The following ALG8 variants were observed in gnomAD, a reference collection of about 807,000 sequenced individuals.
ALG8 encodes the protein dolichyl pyrophosphate Glc1Man9GlcNAc2 alpha-1,3-glucosyltransferase.
In ALG8, 48 loss-of-function variants were observed where a neutral mutation model predicts 70.2. The observed-to-expected ratio is 0.68, with a 90% CI of 0.54 to 0.87. ALG8 has a LOEUF of 0.87. Among genes scored for constraint, ALG8 ranks in the 40% least tolerant of loss-of-function variants. The pLI, the probability that ALG8 is intolerant of heterozygous loss-of-function variation, is 0.00. For synonymous variants in ALG8, 234 were observed against 229.0 expected, an observed-to-expected ratio of 1.02 and a Z score of -0.20; for missense variants, 572 against 608.7, an observed-to-expected ratio of 0.94 and a Z score of 0.64.
At chr11:78,109,664 TA>T in intron 8 of ALG8, 83 bp from the exon 9 acceptor site, 1 of 1,349,416 alleles carries the variant, frequency 7.4e-7, no homozygotes, top group South Asian at 1.2e-5. Context: ...CCTTGAGGAA[TA>T]AAAAGTAAGC....
rs772497365 is a variant in ALG8, at chr11:78,121,235, C to A, written c.369-61G>T. On this transcript the variant is annotated intron_variant, in intron 3 of 12. Transcript: ENST00000299626. ...TTTGATCTTCATCGGAACATCACTT[C>A]TGCAGAGTAAACTATGATACATTAG... 19 of 1,153,276 alleles carry A rather than the reference C, an allele frequency of 1.6e-5. No homozygotes were observed. The African/African-American group carries it at 2.0e-4, about 12-fold the overall frequency. 71.4% of individuals were successfully genotyped at this position (1,153,276 alleles called of 1,614,324 possible).
At chr11:78,113,568 C>G (rs1234296691) in intron 7 of ALG8, among the ~76,000 whole-genome samples, 1 of 151,782 alleles carries the variant, frequency 6.6e-6, no homozygotes, top group Admixed American at 6.6e-5. Context: ...CAAAAATTAG[C>G]CAGGCATGGT....
At chr11:78,104,335 T>G (rs201885609) in intron 11 of ALG8, 21 bp downstream of exon 11, 5 of 1,548,982 alleles carry the variant, frequency 3.2e-6, no homozygotes, top group Non-Finnish European at 4.4e-6. Context: ...AAATATATTT[T>G]TCTCAGAAGA....
Position 78,127,368 on chromosome 11 carries a change from C to T in ALG8, c.164G>A (p.Trp55Ter). The T allele has an allele frequency of 1.2e-6, 2 of 1,612,490 alleles. No homozygotes were observed. The highest frequency in any genetic ancestry group is 1.7e-4 in the Middle Eastern group (1 of 6,052). Residue 55 changes from tryptophan to a stop codon, truncating the protein, a stop_gained, in exon 2 of 13, where the codon TGG becomes TAG. Transcript: ENST00000299626. LOFTEE classifies it high-confidence loss of function. ...AAAATTAAAACTTACCTCATAATAC[C>T]ACTGTGATATTGGCAAACTGTGAGT... ...AITHSLPISQWYYEATSEWTL... is the reference protein window; with the variant it reads ...AITHSLPISQ
intron 10 of ALG8, among the ~76,000 whole-genome samples, chr11:78,105,033 T>C (rs1369198636): frequency 6.6e-6 from 1 of 152,038 alleles, no homozygotes; most frequent in Non-Finnish European, 1.5e-5. Context: ...TGTTGTGGGA[T>C]TGGGAGCTGC....
At chr11:78,114,603 G>T in intron 5 of ALG8, 1 of 612,670 alleles carries the variant, frequency 1.6e-6, no homozygotes, top group Non-Finnish European at 2.9e-6. Context: ...GGGATATATA[G>T]GAACTCTCTG....
chr11:78,120,261 C>T (rs1000186011), intron 4 of ALG8, among the ~76,000 whole-genome samples: 3 of 152,164 alleles, frequency 2.0e-5, no homozygotes, highest in East Asian at 3.9e-4. Context: ...TTAAAGGCCC[C>T]GCAGCTCAGG....
At position 78,121,151 on chromosome 11, in the gene ALG8, T is replaced by C; in HGVS notation, c.392A>G (p.Lys131Arg). 2 of 1,613,696 alleles carry C rather than the reference T, an allele frequency of 1.2e-6. No homozygotes were observed. The highest frequency in any genetic ancestry group is 1.7e-6 in the Non-Finnish European group (2 of 1,179,840). Residue 131 changes from lysine (K) to arginine (R), a missense_variant, in exon 4 of 13, where the codon AAA (lysine) becomes AGA (arginine). Coordinates refer to ENST00000299626, the MANE Select transcript of ALG8 (RefSeq NM_024079.5). Reference protein sequence around the residue: ...VRECCKCIDGKKVGKELTEKP... With the variant: ...VRECCKCIDGRKVGKELTEKP... ...TTCTGTAAGTTCTTTACCCACTTTT[T>C]TTCCATCAATGCATTTACAGCACCT...
At chr11:78,111,549 G>A in intron 8 of ALG8, among the ~76,000 whole-genome samples, 1 of 152,214 alleles carries the variant, frequency 6.6e-6, no homozygotes, top group East Asian at 1.9e-4. Context: ...TGTAGCCTGT[G>A]CCCAGTTTTT....
At chr11:78,108,866 T>A (rs928800736) in intron 9 of ALG8, among the ~76,000 whole-genome samples, 1 of 152,216 alleles carries the variant, frequency 6.6e-6, no homozygotes, top group African/African-American at 2.4e-5. Flanking sequence ...TATTGAATTC[T>A]ACTAAAATTA....
chr11:78,135,157 C>G (rs931691649), intron 1 of ALG8: 1 of 152,070 alleles, frequency 6.6e-6, no homozygotes, highest in Non-Finnish European at 1.5e-5. Flanking sequence ...AGTTCAAAAA[C>G]AGCCTGGGCA....
intron 12 of ALG8, among the ~76,000 whole-genome samples, chr11:78,102,688 C>T (rs555529966): frequency 7.9e-5 from 12 of 152,294 alleles, no homozygotes; most frequent in Admixed American, 7.8e-4. Flanking sequence ...CATGGTGGCT[C>T]ACACCTGTAA....
intron 5 of ALG8, chr11:78,114,802 C>CA (rs1197084667): frequency 5.5e-6 from 2 of 363,212 alleles, no homozygotes; most frequent in African/African-American, 2.2e-5. Context: ...CCTGTCTCTA[C>CA]AAAAAAATAA....
chr11:78,116,004 C>T (rs930145462), intron 5 of ALG8, among the ~76,000 whole-genome samples: 41 of 152,168 alleles, frequency 2.7e-4, no homozygotes, highest in African/African-American at 9.7e-4. Context: ...AGGCTGAAGG[C>T]ACCAGTCACT....
chr11:78,128,847 C>T (rs73501279), intron 1 of ALG8, among the ~76,000 whole-genome samples: 32,798 of 151,090 alleles, frequency 0.22, 4,381 homozygotes, highest in African/African-American at 0.38. Flanking sequence ...ATCTCCTGAC[C>T]TCGTGATCAG....
At chr11:78,113,861 G>GAAAAAAAAAAAAAAAAAAA in intron 7 of ALG8, 25 bp downstream of exon 7, 7 of 1,241,910 alleles carry the variant, frequency 5.6e-6, no homozygotes, top group African/African-American at 4.2e-5. Context: ...TGTATTAATT[G>GAAAAAAAAAAAAAAAAAAA]AAAAAAAAAA....
chr11:78,106,967 T>C, intron 9 of ALG8, 21 bp from the exon 10 acceptor site: 1 of 1,613,474 alleles, frequency 6.2e-7, no homozygotes, highest in East Asian at 2.2e-5. Context: ...CAGGCAAAGA[T>C]AAACTTCAGT....
At chr11:78,110,485 C>T (rs1157383467) in intron 8 of ALG8, among the ~76,000 whole-genome samples, 1 of 152,196 alleles carries the variant, frequency 6.6e-6, no homozygotes, top group Non-Finnish European at 1.5e-5. Context: ...AGCCAACGTG[C>T]ACAGCTGAGT....
chr11:78,133,635 CT>C (rs1387849375), intron 1 of ALG8: 6 of 152,290 alleles, frequency 3.9e-5, no homozygotes, highest in African/African-American at 1.4e-4. Context: ...GCCGCGGTGG[CT>C]CACGCCTGTA....
Sources: allele counts gnomAD v4.1 joint callset (sites outside exome capture counted in the v4.1 genomes callset), GRCh38; gene constraint gnomAD v4.1.1; transcripts MANE v1.5; gene names NCBI Gene and HGNC (gene_info 2026-07-23, HGNC 2026-07-21).